Variants in SLC2A2 observed in about 807,000 individuals in gnomAD.
SLC2A2 encodes the protein solute carrier family 2, facilitated glucose transporter member 2.
SLC2A2 carries 36 observed loss-of-function variants against 54.5 expected under a neutral mutation model. That is an observed-to-expected ratio of 0.66 (90% CI 0.51 to 0.87). The LOEUF (loss-of-function observed/expected upper bound fraction) is 0.87, where lower values mean the gene tolerates loss of function less well. Ranked by LOEUF, SLC2A2 falls within the 40% of genes least tolerant of loss-of-function variation. The probability of loss-of-function intolerance (pLI) is 0.00; values close to 1 mark genes in which losing one functional copy is unlikely to be tolerated. For missense variants in SLC2A2, 543 were observed against 624.3 expected, an observed-to-expected ratio of 0.87 and a Z score of 1.39; for synonymous variants, 223 against 219.1, an observed-to-expected ratio of 1.02 and a Z score of -0.16.
rs1436444419 is a variant in SLC2A2 at position 170,998,151 on chromosome 3, T to C, written c.1374+42A>G. On this transcript the variant is annotated intron_variant, in intron 10 of 10. Transcript: ENST00000314251. The stretch of plus-strand genomic sequence containing the variant: ...CTTTGAGTTAGCAGTTTTTTGACCC[T>C]CTCTTCTGTTCAGTAAATCTGTGGA... 3 of 1,613,018 alleles carry C rather than the reference T, an allele frequency of 1.9e-6. 1 individual carries two copies. Among genetic ancestry groups the C allele is most frequent in the African/African-American group, 1.3e-5 (1 of 75,012 alleles).
Position 171,006,023 on chromosome 3 carries a change from T to A in SLC2A2, c.695A>T (p.Gln232Leu). 6.2e-7 allele frequency: 1 copy of A among 1,612,676 alleles called. No homozygotes were observed. The highest frequency in any genetic ancestry group is 8.5e-7 in the Non-Finnish European group (1 of 1,179,080). Residue 232 changes from glutamine to leucine, a missense_variant, in exon 6 of 11, where the codon CAG becomes CTG. This residue lies in a region of SLC2A2 where 318 missense variants were observed against 343.8 expected (regional missense o/e 0.93). Coordinates refer to ENST00000314251, the MANE Select transcript of SLC2A2 (RefSeq NM_000340.2). ...TGGACAGAAAAAGAGTAGCAGAGACTGAAGGATGGCTCGCACACCAGACAG... is the reference window on the plus strand; with the variant it reads ...TGGACAGAAAAAGAGTAGCAGAGACAGAAGGATGGCTCGCACACCAGACAG... ...LGLSGVRAIL[Q>L]SLLLFFCPES...
intron 1 of SLC2A2, among the ~76,000 whole-genome samples, chr3:171,019,466 A>G (rs1215487886): frequency 6.6e-6 from 1 of 152,112 alleles, no homozygotes; most frequent in Non-Finnish European, 1.5e-5. Flanking sequence ...TGTAGTTACA[A>G]TGAAACTGTG....
intron 1 of SLC2A2, 132 bp downstream of exon 1, chr3:171,026,524 C>T: frequency 3.7e-6 from 3 of 808,488 alleles, no homozygotes; most frequent in South Asian, 2.8e-5. Context: ...CTTCAATTGG[C>T]AAAGTAAAGA....
At position 170,998,328 on chromosome 3, in the gene SLC2A2, A is replaced by C. The variant is rs779212294; in HGVS notation, c.1239T>G (p.Ile413Met). 3.1e-6 allele frequency: 5 copies of C among 1,613,796 alleles called. No individual in the cohort carries two copies. The highest frequency in any genetic ancestry group is 4.2e-6 in the Non-Finnish European group (5 of 1,179,794). ...AIFLFVSFFE[I>M]GPGPIPWFMV... ...TGAACCAGGGGATCGGGCCTGGCCC[A>C]ATTTCAAAGAAGCTGACAAAGAGGA... The change falls in exon 10 of 11, where the codon ATT (isoleucine) becomes ATG (methionine). Residue 413 changes from isoleucine to methionine, a missense_variant. Ile to Met is a conservative substitution (Grantham distance 10). Around this residue, in one of 3 missense-constraint regions of SLC2A2, gnomAD observed 117 missense variants for 179.2 expected, o/e 0.65. Coordinates refer to ENST00000314251, the MANE Select transcript of SLC2A2 (RefSeq NM_000340.2).
rs557488312 is a variant in SLC2A2, at chr3:171,025,603, C to G, written c.15+1053G>C. The stretch of plus-strand genomic sequence containing the variant: ...GTTAAATAACTTAACCCAGGCCTCA[C>G]AGCAGTTTAGTGGCATTGCTAGAAC... On this transcript the variant is annotated intron_variant, in intron 1 of 10. Coordinates refer to ENST00000314251, the MANE Select transcript of SLC2A2 (RefSeq NM_000340.2). Among the ~76,000 whole-genome samples, 6 of 152,280 alleles carry G rather than the reference C, an allele frequency of 3.9e-5. No individual in the cohort carries two copies. The East Asian group carries it at 1.2e-3, about 29-fold the overall frequency.
chr3:171,016,326 C>T (rs1716147291), intron 2 of SLC2A2, among the ~76,000 whole-genome samples: 1 of 152,114 alleles, frequency 6.6e-6, no homozygotes, highest in Non-Finnish European at 1.5e-5. Flanking sequence ...ATCTCAGCTA[C>T]TTGGGAGGCT....
At position 171,010,045 on chromosome 3, in the gene SLC2A2, C is replaced by G. The variant is rs144125084; in HGVS notation, c.409G>C (p.Val137Leu). The stretch of plus-strand genomic sequence containing the variant: ...GAAAACCCCATCAAGAGAGCTCCAA[C>G]TAATGACAGAATGTTTGCTACTAAC... ...AMLVANILSL[V>L]GALLMGFSKL... Residue 137 changes from valine (V) to leucine (L), a missense_variant, in exon 4 of 11, where the codon GTT becomes CTT. Around this residue, in one of 3 missense-constraint regions of SLC2A2, gnomAD observed 318 missense variants for 343.8 expected, o/e 0.93. Coordinates refer to ENST00000314251, the MANE Select transcript of SLC2A2 (RefSeq NM_000340.2). The G allele has an allele frequency of 2.4e-4, 379 of 1,611,856 alleles. No individual in the cohort carries two copies. The highest frequency in any genetic ancestry group is 3.1e-4 in the Non-Finnish European group (366 of 1,178,742).
rs151063633 is a variant in SLC2A2 at position 171,015,077 on chromosome 3, T to C, written c.109-346A>G. Among the ~76,000 whole-genome samples the C allele has an allele frequency of 3.9e-5, 6 of 152,342 alleles. No homozygotes were observed. In the East Asian group the frequency reaches 1.2e-3, roughly 29 times the overall value. On this transcript the variant is annotated intron_variant, in intron 2 of 10. Coordinates refer to ENST00000314251, the MANE Select transcript of SLC2A2 (RefSeq NM_000340.2). ...GAAGCTGCAAACGTGAAACTGGTGT[T>C]GGATGACCTTTAACTTTTTAACAGA...
At chr3:171,009,757 G>C (rs1715786672) in intron 4 of SLC2A2, among the ~76,000 whole-genome samples, 1 of 151,976 alleles carries the variant, frequency 6.6e-6, no homozygotes, top group African/African-American at 2.4e-5. Context: ...CGAGAACCTT[G>C]ATAGCATCAT....
chr3:170,999,908 A>G (rs982568532), intron 8 of SLC2A2, among the ~76,000 whole-genome samples: 1 of 152,098 alleles, frequency 6.6e-6, no homozygotes, highest in Non-Finnish European at 1.5e-5. Flanking sequence ...TTAATGGTTA[A>G]GTTTTACAAT....
chr3:171,010,767 A>G (rs1164332709), intron 3 of SLC2A2, among the ~76,000 whole-genome samples: 1 of 152,142 alleles, frequency 6.6e-6, no homozygotes, highest in Non-Finnish European at 1.5e-5. Context: ...TATTTCCAAA[A>G]TCTATAAATT....
At chr3:171,026,306 G>A (rs1191542500) in intron 1 of SLC2A2, among the ~76,000 whole-genome samples, 1 of 148,954 alleles carries the variant, frequency 6.7e-6, no homozygotes, top group East Asian at 2.0e-4. Flanking sequence ...TGTCTCTCCT[G>A]CATTGACGTT....
chr3:171,017,168 A>G (rs1281257246), intron 2 of SLC2A2, among the ~76,000 whole-genome samples: 1 of 152,118 alleles, frequency 6.6e-6, no homozygotes, highest in Non-Finnish European at 1.5e-5. Flanking sequence ...GGTTCAATTA[A>G]TGATGTGATA....
rs1576831410 is a variant in SLC2A2, at chr3:171,007,419, A to T, written c.497-156T>A. Reference sequence around the variant, plus strand: ...TCCTAGGTATAGACATAGTTTGTGCAGGAGATATTTGATATGACCTCATAT... The same window carrying T: ...TCCTAGGTATAGACATAGTTTGTGCTGGAGATATTTGATATGACCTCATAT... On this transcript the variant is annotated intron_variant, in intron 4 of 10. Coordinates refer to ENST00000314251, the MANE Select transcript of SLC2A2 (RefSeq NM_000340.2). 25 of 654,534 alleles carry T rather than the reference A, an allele frequency of 3.8e-5. No individual in the cohort carries two copies. In the East Asian group the frequency reaches 6.9e-4, roughly 18 times the overall value. The allele number at this position is 654,534 out of a possible 1,614,324, so 40.5% of individuals were successfully genotyped here. A position where few individuals can be genotyped will look rare whatever the true frequency, so the allele number is the denominator to read the frequency against.
At chr3:171,016,537 T>C (rs576687808) in intron 2 of SLC2A2, among the ~76,000 whole-genome samples, 102 of 152,246 alleles carry the variant, frequency 6.7e-4, no homozygotes, top group Non-Finnish European at 1.2e-3. Context: ...TTATGGGTAT[T>C]TTTTTTTCTA....
intron 1 of SLC2A2, among the ~76,000 whole-genome samples, chr3:171,026,373 T>C (rs934579921): frequency 1.5e-4 from 23 of 150,464 alleles, no homozygotes; most frequent in African/African-American, 2.4e-4. Context: ...GCCCCCTTTT[T>C]TTTTTTTTTT....
intron 6 of SLC2A2, 90 bp from the exon 7 acceptor site, chr3:171,005,562 T>C: frequency 9.8e-7 from 1 of 1,021,246 alleles, no homozygotes; most frequent in Non-Finnish European, 1.5e-6. Context: ...CATTTCTGCA[T>C]GCCCCATTGT....
rs1560039834 is a variant in SLC2A2, at chr3:171,014,583, GTC to G, written c.255_256del (p.Glu85AspfsTer93). ...GGTGATTAGTTGAGCAGCTGCCACA[GTC>G]TCTTCCTCAGCCCAAGGGGTTGGTT... On this transcript the variant is annotated frameshift_variant, in exon 3 of 11. Transcript: ENST00000314251. LOFTEE classifies it high-confidence loss of function. The G allele has an allele frequency of 1.2e-6, 2 of 1,614,166 alleles. No individual in the cohort carries two copies. The highest frequency in any genetic ancestry group is 4.5e-5 in the East Asian group (2 of 44,888).
chr3:171,003,748 C>CT (rs1052223233), intron 7 of SLC2A2, among the ~76,000 whole-genome samples: 41 of 151,806 alleles, frequency 2.7e-4, no homozygotes, highest in African/African-American at 9.4e-4. Flanking sequence ...TAGTACAATC[C>CT]TTTTGGTGGA....
Sources: allele counts gnomAD v4.1 joint callset (sites outside exome capture counted in the v4.1 genomes callset), GRCh38; gene constraint gnomAD v4.1.1; regional missense constraint gnomAD v4.1.1; transcripts MANE v1.5; gene names NCBI Gene and HGNC (gene_info 2026-07-23, HGNC 2026-07-21).